Variants in SCN7A observed in about 807,000 individuals in gnomAD.
The protein encoded by SCN7A is sodium channel protein type 7 subunit alpha.
SCN7A carries 138 observed loss-of-function variants against 155.2 expected under a neutral mutation model. The ratio of observed to expected loss-of-function variants is 0.89; its 90% CI spans 0.77 to 1.02. The LOEUF (loss-of-function observed/expected upper bound fraction) is 1.02. SCN7A is among the 50% of genes least tolerant of loss of function. The probability of loss-of-function intolerance (pLI) is 0.00; values close to 1 mark genes in which losing one functional copy is unlikely to be tolerated. For synonymous variants in SCN7A, 693 were observed against 649.0 expected, an observed-to-expected ratio of 1.07 and a Z score of -1.03; for missense variants, 2,058 against 1,986.6, an observed-to-expected ratio of 1.04 and a Z score of -0.68.
chr2:166,433,586 C>T (rs994622946), intron 15 of SCN7A, among the ~76,000 whole-genome samples: 5 of 152,152 alleles, frequency 3.3e-5, no homozygotes, highest in African/African-American at 7.2e-5. Context: ...AGACCCAAGT[C>T]TGCTTTATTC....
intron 11 of SCN7A, among the ~76,000 whole-genome samples, chr2:166,452,012 C>T (rs768394722): frequency 6.6e-6 from 1 of 151,960 alleles, no homozygotes; most frequent in African/African-American, 2.4e-5. Context: ...TCACAATTAG[C>T]AAAATTAGTA....
chr2:166,475,637 C>T (rs1575062196), intron 3 of SCN7A, among the ~76,000 whole-genome samples: 1 of 151,794 alleles, frequency 6.6e-6, no homozygotes, highest in African/African-American at 2.4e-5. Flanking sequence ...GCTTTTCATG[C>T]TATTTTCCAG....
At chr2:166,480,831 G>A (rs1302846125) in intron 2 of SCN7A, among the ~76,000 whole-genome samples, 2 of 152,128 alleles carry the variant, frequency 1.3e-5, no homozygotes, top group Non-Finnish European at 2.9e-5. Flanking sequence ...GTTGCTCAGG[G>A]ACTTTTTTCT....
intron 14 of SCN7A, among the ~76,000 whole-genome samples, chr2:166,442,391 AT>A (rs974796941): frequency 2.0e-5 from 3 of 150,940 alleles, no homozygotes; most frequent in Non-Finnish European, 4.4e-5. Flanking sequence ...TTTCTTTTCA[AT>A]TTTTTTTTGT....
At chr2:166,423,168 A>G in intron 19 of SCN7A, 91 bp downstream of exon 19, 1 of 1,256,848 alleles carries the variant, frequency 8.0e-7, no homozygotes, top group Non-Finnish European at 1.1e-6. Context: ...GAGGGAAAGG[A>G]AAGATATAAC....
chr2:166,447,641 A>T lies in SCN7A; in HGVS notation c.1358T>A (p.Leu453Ter). ...PISTDTSLDV[L>*]EDATLRHKEE... ...CTTATGTCTGAGAGTAGCATCTTCCAACACATCCAATGATGTGTCTGTGGA... is the reference window on the plus strand; with the variant it reads ...CTTATGTCTGAGAGTAGCATCTTCCTACACATCCAATGATGTGTCTGTGGA... The change falls in exon 12 of 26, where the codon TTG becomes TAG. Residue 453 changes from leucine (L) to a stop codon, truncating the protein, a stop_gained. Transcript: ENST00000643258. LOFTEE classifies it high-confidence loss of function. The T allele has an allele frequency of 6.2e-7, 1 of 1,612,078 alleles. No homozygotes were observed. The highest frequency in any genetic ancestry group is 8.5e-7 in the Non-Finnish European group (1 of 1,178,354).
At chr2:166,473,983 T>A in intron 4 of SCN7A, 95 bp from the exon 5 acceptor site, 1 of 662,288 alleles carries the variant, frequency 1.5e-6, no homozygotes, top group South Asian at 2.6e-5. Context: ...AATATTAATC[T>A]TATTGAACAA....
intron 15 of SCN7A, among the ~76,000 whole-genome samples, chr2:166,433,983 T>A (rs1460791299): frequency 6.6e-6 from 1 of 152,192 alleles, no homozygotes; most frequent in Non-Finnish European, 1.5e-5. Context: ...AATCAGATTT[T>A]AAACTTGTTT....
Position 166,410,327 on chromosome 2 carries a change from A to C in SCN7A, c.3607-3T>G. ...ATAAAGATATTTGAGCCTCCCAGGT[A>C]AAGAAAGGAAAGAAAAATATATTAA... On this transcript the variant is annotated splice_polypyrimidine_tract_variant and splice_region_variant and intron_variant, in intron 23 of 25. Coordinates refer to ENST00000643258, the MANE Select transcript of SCN7A (RefSeq NM_002976.4). The C allele has an allele frequency of 6.6e-7, 1 of 1,518,678 alleles. No homozygotes were observed. The highest frequency in any genetic ancestry group is 8.9e-7 in the Non-Finnish European group (1 of 1,129,336). 94.1% of individuals were successfully genotyped at this position (1,518,678 alleles called of 1,614,324 possible).
In SCN7A at chr2:166,476,332, A is replaced by G. The variant is rs189472417; in HGVS notation, c.234+1131T>C. On this transcript the variant is annotated intron_variant, in intron 3 of 25. Transcript: ENST00000643258. ...AGAGAATGTGGTGCAATTCCTTGTC[A>G]CCCATTTGATAATATCATTGAATGC... Among the ~76,000 whole-genome samples the G allele has an allele frequency of 1.8e-3, 273 of 152,086 alleles. 2 individuals are homozygous for G. Among genetic ancestry groups the G allele is most frequent in the African/African-American group, 6.2e-3 (256 of 41,552 alleles).
At chr2:166,413,734 C>G (rs1241899389) in intron 21 of SCN7A, among the ~76,000 whole-genome samples, 1 of 151,422 alleles carries the variant, frequency 6.6e-6, no homozygotes, top group Non-Finnish European at 1.5e-5. Flanking sequence ...TAATCAGCTG[C>G]CAGCAAATAT....
intron 25 of SCN7A, among the ~76,000 whole-genome samples, chr2:166,407,768 C>G (rs1701106877): frequency 6.6e-6 from 1 of 151,496 alleles, no homozygotes; most frequent in Admixed American, 6.6e-5. Context: ...TAAAAAAAAC[C>G]CACCAGGATA....
intron 10 of SCN7A, among the ~76,000 whole-genome samples, chr2:166,458,867 T>A (rs10930225): frequency 0.18 from 28,079 of 152,174 alleles, 3,286 homozygotes; most frequent in Non-Finnish European, 0.25. Flanking sequence ...TTTTTCAGAA[T>A]GTATCCCTGT....
Position 166,447,684 on chromosome 2 carries a change from T to A in SCN7A, c.1315A>T (p.Lys439Ter), listed in dbSNP as rs1338805389. Residue 439 changes from lysine to a stop codon, truncating the protein, a stop_gained, in exon 12 of 26, where the codon AAG becomes TAG. Coordinates refer to ENST00000643258, the MANE Select transcript of SCN7A (RefSeq NM_002976.4). LOFTEE classifies it high-confidence loss of function. ...DEAKTIQIEM[K>*]KRSPISTDTS... is the part of the protein sequence containing the mutation. Reference sequence around the variant, plus strand: ...TCTGTGGAAATTGGTGACCTTTTCTTCATTTCTATTTGTATGGTCTTGGCC... The same window carrying A: ...TCTGTGGAAATTGGTGACCTTTTCTACATTTCTATTTGTATGGTCTTGGCC... The A allele has an allele frequency of 1.2e-6, 2 of 1,612,990 alleles. No homozygotes were observed.
At chr2:166,426,427 A>G (rs1701626645) in intron 18 of SCN7A, among the ~76,000 whole-genome samples, 1 of 151,996 alleles carries the variant, frequency 6.6e-6, no homozygotes, top group African/African-American at 2.4e-5. Context: ...CTCCCAGAAT[A>G]GGGCATTAGG....
At chr2:166,414,000 T>TATAA (rs1553513542) in intron 21 of SCN7A, among the ~76,000 whole-genome samples, 1 of 100,158 alleles carries the variant, frequency 1.0e-5, no homozygotes, top group African/African-American at 4.0e-5. Context: ...TATATATATA[T>TATAA]ATAAATATAC....
intron 7 of SCN7A, among the ~76,000 whole-genome samples, chr2:166,469,835 C>G (rs1400508823): frequency 6.6e-6 from 1 of 151,906 alleles, no homozygotes; most frequent in African/African-American, 2.4e-5. Context: ...ATATAATTCA[C>G]AAGCCCCACA....
At chr2:166,423,749 A>C (rs935619009) in intron 18 of SCN7A, among the ~76,000 whole-genome samples, 1 of 152,124 alleles carries the variant, frequency 6.6e-6, no homozygotes, top group African/African-American at 2.4e-5. Context: ...AACTTAACAC[A>C]AGAGTCAAAA....
Position 166,457,424 on chromosome 2 carries a change from A to G in SCN7A, c.1084-348T>C, listed in dbSNP as rs559419893. On this transcript the variant is annotated intron_variant, in intron 10 of 25. Coordinates refer to ENST00000643258, the MANE Select transcript of SCN7A (RefSeq NM_002976.4). ...TAGAAACTGGACAGCCTCAACATGG[A>G]AAGTTATTTTCTTTGCAGAAGAATC... Among the ~76,000 whole-genome samples the G allele has an allele frequency of 5.3e-5, 8 of 152,348 alleles. No individual in the cohort carries two copies. The South Asian group carries it at 1.7e-3, about 32-fold the overall frequency.
Sources: allele counts gnomAD v4.1 joint callset (sites outside exome capture counted in the v4.1 genomes callset), GRCh38; gene constraint gnomAD v4.1.1; transcripts MANE v1.5; gene names NCBI Gene and HGNC (gene_info 2026-07-23, HGNC 2026-07-21).